SPIRE1: variants seen among roughly 807,000 people sequenced by gnomAD.
The protein encoded by SPIRE1 is protein spire homolog 1.
SPIRE1 carries 40 observed loss-of-function variants against 94.1 expected under a neutral mutation model. The observed-to-expected ratio is 0.43, with a 90% CI of 0.33 to 0.55. SPIRE1 has a LOEUF of 0.55. Among genes scored for constraint, SPIRE1 ranks in the 20% least tolerant of loss-of-function variants. The probability of loss-of-function intolerance (pLI) is 0.06; values close to 1 mark genes in which losing one functional copy is unlikely to be tolerated. For synonymous variants in SPIRE1, 376 were observed against 371.7 expected (o/e 1.01, Z -0.13); for missense variants, 838 against 975.2 (o/e 0.86, Z 1.87).
intron 2 of SPIRE1, among the ~76,000 whole-genome samples, chr18:12,622,865 A>G (rs530891892): frequency 6.6e-6 from 1 of 152,320 alleles, no homozygotes; most frequent in Admixed American, 6.5e-5. Flanking sequence ...CTCTTTCAGA[A>G]TCTTCACTAT....
intron 16 of SPIRE1, 94 bp downstream of exon 16, chr18:12,452,161 C>G: frequency 1.4e-6 from 2 of 1,479,856 alleles, no homozygotes; most frequent in Non-Finnish European, 1.8e-6. Context: ...AATAAAAACC[C>G]CTCGAGCCAA....
At chr18:12,492,320 GTT>G (rs2033263719) in intron 8 of SPIRE1, among the ~76,000 whole-genome samples, 1 of 152,180 alleles carries the variant, frequency 6.6e-6, no homozygotes, top group Non-Finnish European at 1.5e-5. Context: ...CGTAAAGGCA[GTT>G]TCTCTGGATT....
At chr18:12,606,250 A>G (rs2036972193) in intron 2 of SPIRE1, among the ~76,000 whole-genome samples, 1 of 152,158 alleles carries the variant, frequency 6.6e-6, no homozygotes, top group African/African-American at 2.4e-5. Context: ...AGTCTATGCA[A>G]GCAGAGGTTT....
rs139042319 is a variant in SPIRE1 at position 12,452,261 on chromosome 18, A to G, written c.2006T>C (p.Ile669Thr). The G allele has an allele frequency of 3.7e-6, 6 of 1,613,646 alleles. No individual in the cohort carries two copies. The highest frequency in any genetic ancestry group is 4.2e-6 in the Non-Finnish European group (5 of 1,179,952). The change falls in exon 16 of 17, where the codon ATT becomes ACT. Residue 669 changes from isoleucine (I) to threonine (T), a missense_variant. This residue lies in a region of SPIRE1 where 645 missense variants were observed against 804.7 expected (regional missense o/e 0.80). Transcript: ENST00000409402. Reference sequence around the variant, plus strand: ...ACCCAGGCCCCTTGCTCACCTGGCAATGCTCCGAAGTGGCCGATGATGGGC... The same window carrying G: ...ACCCAGGCCCCTTGCTCACCTGGCAGTGCTCCGAAGTGGCCGATGATGGGC... The part of the protein sequence containing the change: ...STAHHRPLRS[I>T]ARFSSKSKSM...
upstream of SPIRE1, among the ~76,000 whole-genome samples, chr18:12,659,720 TTATTA>T (rs2038656048): frequency 6.6e-6 from 1 of 152,048 alleles, no homozygotes; most frequent in African/African-American, 2.4e-5. Context: ...CCCAGGCAAC[TTATTA>T]TAATTTCAGT....
At chr18:12,508,766 C>T (rs1378417894) in intron 5 of SPIRE1, among the ~76,000 whole-genome samples, 2 of 151,924 alleles carry the variant, frequency 1.3e-5, no homozygotes, top group African/African-American at 4.8e-5. Flanking sequence ...TTTCTGCCTC[C>T]CGGGTTCAAG....
At chr18:12,580,843 C>T (rs2036238556) in intron 2 of SPIRE1, among the ~76,000 whole-genome samples, 1 of 152,080 alleles carries the variant, frequency 6.6e-6, no homozygotes, top group African/African-American at 2.4e-5. Context: ...AGGAGTTCGA[C>T]AAACGCTTTC....
Position 12,448,431 on chromosome 18 carries a change from C to A in SPIRE1, c.*1207G>T, listed in dbSNP as rs3935. 112,206 of 152,444 alleles carry A rather than the reference C, an allele frequency of 0.74. 41,789 individuals carry two copies. Among genetic ancestry groups the A allele is most frequent in the Middle Eastern group, 0.93 (272 of 294 alleles). 9.4% of individuals were successfully genotyped at this position (152,444 alleles called of 1,614,324 possible). On this transcript the variant is annotated 3_prime_UTR_variant, in exon 17 of 17. Transcript: ENST00000409402. The surrounding 1 kb of genome is among the most constrained non-coding windows in gnomAD (Gnocchi z 4.4). ...CATTTGTAAGCATACCAAAATAATA[C>A]AGTATAGCCCACGTATGAGCCAAAC...
At chr18:12,450,377 A>C (rs2031174046) in intron 16 of SPIRE1, 2 of 361,316 alleles carry the variant, frequency 5.5e-6, no homozygotes, top group African/African-American at 4.2e-5. Flanking sequence ...AAAAAAAGAA[A>C]AGGAAAGAAA....
chr18:12,575,027 GA>G (rs879498747), intron 2 of SPIRE1, among the ~76,000 whole-genome samples: 11 of 152,192 alleles, frequency 7.2e-5, no homozygotes, highest in Non-Finnish European at 1.3e-4. Context: ...AGCAGTCTCA[GA>G]AAATTCAATG....
chr18:12,658,124 C>CGCCCCGCCT (rs1555639280), upstream of SPIRE1: 1 of 954,078 alleles, frequency 1.0e-6, no homozygotes, highest in African/African-American at 1.8e-5. Context: ...CCGCCCCGCC[C>CGCCCCGCCT]CGCCCCGCCT....
intron 2 of SPIRE1, among the ~76,000 whole-genome samples, chr18:12,595,367 G>C (rs2036642739): frequency 6.6e-6 from 1 of 152,080 alleles, no homozygotes; most frequent in African/African-American, 2.4e-5. Context: ...TAACTGTTAT[G>C]TTACCGGTAA....
intron 12 of SPIRE1, among the ~76,000 whole-genome samples, chr18:12,462,433 A>G (rs1352470425): frequency 1.3e-5 from 2 of 152,250 alleles, no homozygotes; most frequent in Admixed American, 6.5e-5. Flanking sequence ...CAAATATTTC[A>G]GAAGCCAAGT....
chr18:12,479,215 C>T (rs535214338), intron 10 of SPIRE1, among the ~76,000 whole-genome samples: 1 of 145,000 alleles, frequency 6.9e-6, no homozygotes, highest in African/African-American at 2.5e-5. Flanking sequence ...CACTCTGTTG[C>T]CCAGGCTGGA....
Position 12,449,854 on chromosome 18 carries a change from T to A in SPIRE1, c.2055A>T (p.Glu685Asp). The A allele has an allele frequency of 1.2e-6, 2 of 1,614,050 alleles. No individual in the cohort carries two copies. Among genetic ancestry groups the A allele is most frequent in the Non-Finnish European group, 1.7e-6 (2 of 1,180,012 alleles). ...KSKSMDKSDE[E>D]LQFPKELMED... ...CCATCAACTCTTTGGGAAACTGGAG[T>A]TCTTCATCTGATTTGTCCATAGACT... Residue 685 changes from glutamate to aspartate, a missense_variant, in exon 17 of 17, where the codon GAA becomes GAT. Glu to Asp is a conservative substitution (Grantham distance 45, BLOSUM62 2). Transcript: ENST00000409402.
intron 16 of SPIRE1, 44 bp from the exon 17 acceptor site, chr18:12,449,940 G>T (rs750402528): frequency 1.3e-6 from 2 of 1,576,754 alleles, no homozygotes; most frequent in Non-Finnish European, 1.7e-6. Context: ...TTACTTATAG[G>T]TCTGCTGCAA....
chr18:12,530,928 T>C (rs1423786360), intron 4 of SPIRE1, among the ~76,000 whole-genome samples: 1 of 152,200 alleles, frequency 6.6e-6, no homozygotes, highest in African/African-American at 2.4e-5. Flanking sequence ...ACTCTCAACG[T>C]GGAGGCAATG....
chr18:12,650,213 T>C (rs1014839591), intron 1 of SPIRE1, among the ~76,000 whole-genome samples: 1 of 151,764 alleles, frequency 6.6e-6, no homozygotes, highest in Admixed American at 6.6e-5. Flanking sequence ...CACTCCAGCC[T>C]GGGCAACAGA....
At chr18:12,601,606 G>C (rs1188633733) in intron 2 of SPIRE1, among the ~76,000 whole-genome samples, 2 of 152,118 alleles carry the variant, frequency 1.3e-5, no homozygotes, top group Non-Finnish European at 2.9e-5. Flanking sequence ...CCAGATGAAA[G>C]AAAATTCATG....
Sources: allele counts gnomAD v4.1 joint callset (sites outside exome capture counted in the v4.1 genomes callset), GRCh38; gene constraint gnomAD v4.1.1; regional missense constraint gnomAD v4.1.1; non-coding constraint Gnocchi (gnomAD v3.1); transcripts MANE v1.5; gene names NCBI Gene and HGNC (gene_info 2026-07-23, HGNC 2026-07-21).